The following ZFAT variants were observed in gnomAD, a reference collection of about 807,000 sequenced individuals.
The protein encoded by ZFAT is zinc finger protein ZFAT.
A neutral mutation model predicts 117.7 loss-of-function variants in ZFAT; 64 were observed. The observed-to-expected ratio is 0.54, with a 90% CI of 0.44 to 0.67. ZFAT has a LOEUF of 0.67. Among genes scored for constraint, ZFAT ranks in the 30% least tolerant of loss-of-function variants. The pLI, the probability that ZFAT is intolerant of heterozygous loss-of-function variation, is 0.00. For missense variants in ZFAT, 1,433 were observed against 1,584.5 expected (o/e 0.90, Z 1.62); for synonymous variants, 679 against 615.0 (o/e 1.10, Z -1.54).
the ZFAT span, among the ~76,000 whole-genome samples, chr8:134,774,588 A>G: frequency 6.6e-6 from 1 of 152,216 alleles, no homozygotes; most frequent in African/African-American, 2.4e-5. Flanking sequence ...TACACTTTTT[A>G]GGTATAATGT....
intron 15 of ZFAT, among the ~76,000 whole-genome samples, chr8:134,499,305 G>C (rs548537773): frequency 1.8e-4 from 24 of 134,604 alleles, no homozygotes; most frequent in African/African-American, 5.4e-4. Flanking sequence ...GTTACACACA[G>C]AGCCTGATTT....
At chr8:134,637,400 A>G (rs1156348286) in intron 3 of ZFAT, 61 bp downstream of exon 3, 2 of 1,557,194 alleles carry the variant, frequency 1.3e-6, no homozygotes, top group African/African-American at 1.4e-5. Flanking sequence ...GTGAAACCTG[A>G]TATTAGCAGA....
chr8:134,608,717 A>C lies in ZFAT; in HGVS notation c.785+12T>G. 6.2e-7 allele frequency: 1 copy of C among 1,609,022 alleles called. No individual in the cohort carries two copies. Among genetic ancestry groups the C allele is most frequent in the Non-Finnish European group, 8.5e-7 (1 of 1,178,080 alleles). On this transcript the variant is annotated intron_variant, in intron 5 of 15. Coordinates refer to ENST00000377838, the MANE Select transcript of ZFAT (RefSeq NM_020863.4). Reference sequence around the variant, plus strand: ...ACCTCTGGCTGAAGTTACACAGAACAAAACACTTTACCTGCTTGACTTCAT... The same window carrying C: ...ACCTCTGGCTGAAGTTACACAGAACCAAACACTTTACCTGCTTGACTTCAT...
the ZFAT span, among the ~76,000 whole-genome samples, chr8:134,773,942 C>T: frequency 6.8e-6 from 1 of 147,410 alleles, no homozygotes; most frequent in African/African-American, 2.5e-5. Context: ...TATAATATTA[C>T]ATCAACTTGG....
the ZFAT span, chr8:134,797,107 G>A: frequency 6.6e-6 from 1 of 152,076 alleles, no homozygotes; most frequent in African/African-American, 2.4e-5. Flanking sequence ...ACCTTTACTT[G>A]AAAAATAACT....
At chr8:134,817,451 G>C in the ZFAT span, among the ~76,000 whole-genome samples, 1,044 of 75,858 alleles carry the variant, frequency 0.014, 13 homozygotes, top group South Asian at 0.035. Context: ...CACCCTTATT[G>C]ATTGTTTCTC....
At chr8:134,736,561 A>G in the ZFAT span, among the ~76,000 whole-genome samples, 8 of 152,204 alleles carry the variant, frequency 5.3e-5, no homozygotes, top group South Asian at 1.7e-3. Context: ...CAGGTCCCCC[A>G]AAGCCTTTTA....
chr8:134,733,930 C>A, the ZFAT span, among the ~76,000 whole-genome samples: 4 of 152,250 alleles, frequency 2.6e-5, no homozygotes, highest in African/African-American at 9.6e-5. Context: ...AGGTTTAATT[C>A]GAAGAAAATA....
At chr8:134,756,453 T>A in the ZFAT span, among the ~76,000 whole-genome samples, 8 of 152,198 alleles carry the variant, frequency 5.3e-5, no homozygotes, top group African/African-American at 1.9e-4. Flanking sequence ...CAAACACAGG[T>A]CCCAGGGCCA....
intron 11 of ZFAT, among the ~76,000 whole-genome samples, chr8:134,543,319 T>A (rs1822425599): frequency 6.6e-6 from 1 of 151,574 alleles, no homozygotes; most frequent in African/African-American, 2.4e-5. Flanking sequence ...TGGGGTCATG[T>A]ACAAATACCC....
At chr8:134,776,537 T>C in the ZFAT span, among the ~76,000 whole-genome samples, 1 of 152,164 alleles carries the variant, frequency 6.6e-6, no homozygotes, top group Non-Finnish European at 1.5e-5. Flanking sequence ...GTTGTTGTTG[T>C]TGTTGTTATT....
chr8:134,738,846 C>T, the ZFAT span, among the ~76,000 whole-genome samples: 1 of 152,122 alleles, frequency 6.6e-6, no homozygotes, highest in Non-Finnish European at 1.5e-5. Flanking sequence ...ATAACAGAAG[C>T]CCAATTTGGC....
At chr8:134,539,623 AC>A in intron 11 of ZFAT, among the ~76,000 whole-genome samples, 1 of 152,292 alleles carries the variant, frequency 6.6e-6, no homozygotes, top group South Asian at 2.1e-4. Flanking sequence ...GAGACTAACC[AC>A]CCGTCTGGTA....
rs529422851 is a variant in ZFAT, at chr8:134,619,464, C to A, written c.449-8809G>T. ...ATCTAACAAACACATCTCACAAACA[C>A]ATCTCACACAAACAGTCCCTACTGA... On this transcript the variant is annotated intron_variant, in intron 3 of 15. Transcript: ENST00000377838. 1.1e-3 allele frequency among the ~76,000 whole-genome samples: 168 copies of A among 152,234 alleles called. 3 individuals are homozygous for A. In the South Asian group the frequency reaches 0.034, roughly 31 times the overall value.
At chr8:134,521,167 A>G (rs1820626496) in intron 12 of ZFAT, among the ~76,000 whole-genome samples, 166 bp from the exon 13 acceptor site, 1 of 152,230 alleles carries the variant, frequency 6.6e-6, no homozygotes, top group Admixed American at 6.5e-5. Context: ...TAGCAACAGT[A>G]TATGTTTTTT....
At chr8:134,617,167 G>A (rs1164653704) in intron 3 of ZFAT, among the ~76,000 whole-genome samples, 1 of 152,178 alleles carries the variant, frequency 6.6e-6, no homozygotes, top group Non-Finnish European at 1.5e-5. Context: ...ATCTTGAGGA[G>A]AGCTTCCCAC....
Position 134,592,763 on chromosome 8 carries a change from G to A in ZFAT, c.2476-2408C>T, listed in dbSNP as rs572773393. ...GGAGTCTCCGAGAGCGGGATCTGAA[G>A]GAGCACCCTCCACCTCCTTTGGTGT... is the stretch of plus-strand genomic sequence containing the variant. On this transcript the variant is annotated intron_variant, in intron 7 of 15. Transcript: ENST00000377838. Among the ~76,000 whole-genome samples, 6 of 152,200 alleles carry A rather than the reference G, an allele frequency of 3.9e-5. No homozygotes were observed. In the East Asian group the frequency reaches 1.2e-3, roughly 29 times the overall value.
chr8:134,773,984 ATTTT>A, the ZFAT span, among the ~76,000 whole-genome samples: 36,207 of 103,226 alleles, frequency 0.35, 6,295 homozygotes, highest in Admixed American at 0.46. Flanking sequence ...TTGAGGATTA[ATTTT>A]TTTTTTTTTT....
chr8:134,742,888 G>T, the ZFAT span, among the ~76,000 whole-genome samples: 1 of 152,306 alleles, frequency 6.6e-6, no homozygotes, highest in Admixed American at 6.5e-5. Flanking sequence ...TCTAAGGGGA[G>T]GGCCCTCCTG....
Sources: gnomAD v4.1 joint callset for allele counts (sites outside exome capture counted in the v4.1 genomes callset) on GRCh38, gnomAD v4.1.1 for gene constraint, MANE v1.5 for transcripts, NCBI Gene and HGNC (gene_info 2026-07-23, HGNC 2026-07-21) for gene names.